Variants in LDLRAD3 observed in about 807,000 individuals in gnomAD.
The protein encoded by LDLRAD3 is low density lipoprotein receptor class A domain containing 3, also known as low-density lipoprotein receptor class A domain-containing protein 3.
A neutral mutation model predicts 29.4 loss-of-function variants in LDLRAD3; 20 were observed. The observed-to-expected ratio is 0.68, with a 90% CI of 0.48 to 0.99. The LOEUF (loss-of-function observed/expected upper bound fraction) is 0.99, where lower values mean the gene tolerates loss of function less well. Ranked by LOEUF, LDLRAD3 falls within the 50% of genes least tolerant of loss-of-function variation. The pLI, the probability that LDLRAD3 is intolerant of heterozygous loss-of-function variation, is 0.00. For missense variants in LDLRAD3, 420 were observed against 454.3 expected (o/e 0.92, Z 0.69); for synonymous variants, 157 against 192.7 (o/e 0.81, Z 1.53).
intron 1 of LDLRAD3, among the ~76,000 whole-genome samples, chr11:36,003,690 A>G (rs1851851861): frequency 6.6e-6 from 1 of 152,210 alleles, no homozygotes; most frequent in Non-Finnish European, 1.5e-5. Context: ...ATAAAGTAGA[A>G]GGAGAATGGA....
chr11:36,134,378 A>G (rs1425442620), intron 4 of LDLRAD3, among the ~76,000 whole-genome samples: 1 of 152,188 alleles, frequency 6.6e-6, no homozygotes, highest in Non-Finnish European at 1.5e-5. Context: ...TTCCTGTAAA[A>G]ATCGAGTTTT....
At chr11:36,105,847 T>C (rs572194835) in intron 4 of LDLRAD3, among the ~76,000 whole-genome samples, 5 of 152,126 alleles carry the variant, frequency 3.3e-5, no homozygotes, top group Admixed American at 2.6e-4. Flanking sequence ...TGTGGTACTT[T>C]GTTGCAGCAG....
intron 4 of LDLRAD3, among the ~76,000 whole-genome samples, chr11:36,203,868 A>G (rs2133376341): frequency 6.6e-6 from 1 of 152,214 alleles, no homozygotes; most frequent in East Asian, 1.9e-4. Context: ...TGGGAAGCAC[A>G]CTTTTTGAGG....
chr11:36,217,339 C>T (rs1855366887), intron 4 of LDLRAD3, among the ~76,000 whole-genome samples: 1 of 123,122 alleles, frequency 8.1e-6, no homozygotes, highest in South Asian at 2.7e-4. Context: ...AAGGAGCAAG[C>T]CTGGTCTTTG....
chr11:36,031,303 C>T (rs1349686342), intron 1 of LDLRAD3, among the ~76,000 whole-genome samples: 8 of 152,152 alleles, frequency 5.3e-5, no homozygotes, highest in Non-Finnish European at 1.0e-4. Flanking sequence ...ACTAGAAAGT[C>T]CTGCTGTCGG....
chr11:35,948,436 T>TTG (rs1200174817), intron 1 of LDLRAD3, among the ~76,000 whole-genome samples: 2 of 117,574 alleles, frequency 1.7e-5, no homozygotes, highest in African/African-American at 8.1e-5. Flanking sequence ...AGTTGGCTGA[T>TTG]CGTGTGTGTG....
At chr11:36,027,290 G>A (rs995328) in intron 1 of LDLRAD3, among the ~76,000 whole-genome samples, 12,623 of 152,170 alleles carry the variant, frequency 0.083, 582 homozygotes, top group South Asian at 0.14. Context: ...TTTCCTCATC[G>A]GTGAAAGTAC....
At chr11:36,184,177 C>G (rs1854811290) in intron 4 of LDLRAD3, 1 of 167,964 alleles carries the variant, frequency 6.0e-6, no homozygotes, top group South Asian at 1.2e-4. Flanking sequence ...GTTGGTCAGT[C>G]TGGTCTCAAA....
At chr11:35,965,720 A>G (rs778409343) in intron 1 of LDLRAD3, among the ~76,000 whole-genome samples, 3 of 152,172 alleles carry the variant, frequency 2.0e-5, no homozygotes, top group Non-Finnish European at 4.4e-5. Context: ...TGTCTCATTT[A>G]ATGCTCTTAA....
At chr11:36,038,763 G>C (rs964956157) in intron 2 of LDLRAD3, among the ~76,000 whole-genome samples, 10 of 152,098 alleles carry the variant, frequency 6.6e-5, no homozygotes, top group African/African-American at 2.4e-4. Flanking sequence ...CCCAAGTGTG[G>C]TGGAGGTTTG....
rs1360872049 is a variant in LDLRAD3 at position 36,229,598 on chromosome 11, T to C, written c.*201T>C. 3.7e-6 allele frequency: 2 copies of C among 541,054 alleles called. No individual in the cohort carries two copies. The highest frequency in any genetic ancestry group is 6.6e-6 in the Non-Finnish European group (2 of 304,358). 33.5% of individuals were successfully genotyped at this position (541,054 alleles called of 1,614,324 possible). On this transcript the variant is annotated 3_prime_UTR_variant, in exon 6 of 6. Transcript: ENST00000315571. ...GCGTCTCAGTTGACATGATCTGTTG[T>C]GCGTCTTTTCTGTCAGGTCACTCTT...
chr11:36,160,357 G>A (rs1854421262), intron 4 of LDLRAD3, among the ~76,000 whole-genome samples: 1 of 152,186 alleles, frequency 6.6e-6, no homozygotes, highest in Admixed American at 6.5e-5. Flanking sequence ...AGCCAGAGGA[G>A]ATAAGGCCCG....
intron 3 of LDLRAD3, among the ~76,000 whole-genome samples, chr11:36,083,912 T>G (rs750224568): frequency 1.3e-5 from 2 of 152,158 alleles, no homozygotes; most frequent in African/African-American, 2.4e-5. Flanking sequence ...TTTGGACATT[T>G]GTCTTTAATT....
chr11:36,204,617 A>G (rs568132723), intron 4 of LDLRAD3, among the ~76,000 whole-genome samples: 3 of 151,710 alleles, frequency 2.0e-5, no homozygotes, highest in Middle Eastern at 3.4e-3. Flanking sequence ...CCTCCTGAGT[A>G]GCTGAGATTA....
intron 4 of LDLRAD3, among the ~76,000 whole-genome samples, chr11:36,153,575 C>T (rs1565263441): frequency 6.6e-6 from 1 of 152,138 alleles, no homozygotes. Context: ...GTAAATTTGT[C>T]ATAAAGGTAG....
At chr11:36,025,549 C>T (rs532540515) in intron 1 of LDLRAD3, among the ~76,000 whole-genome samples, 3 of 152,008 alleles carry the variant, frequency 2.0e-5, no homozygotes, top group Non-Finnish European at 2.9e-5. Context: ...CCACCACTCC[C>T]GGCTAATTTT....
intron 4 of LDLRAD3, among the ~76,000 whole-genome samples, chr11:36,141,351 C>T (rs1197527604): frequency 6.6e-6 from 1 of 152,042 alleles, no homozygotes; most frequent in Admixed American, 6.6e-5. Flanking sequence ...TGTAAAAACT[C>T]CCCAGAGCAC....
chr11:36,119,883 G>A (rs1407816426), intron 4 of LDLRAD3, among the ~76,000 whole-genome samples: 1 of 152,094 alleles, frequency 6.6e-6, no homozygotes, highest in Non-Finnish European at 1.5e-5. Flanking sequence ...TGCCTTTAAT[G>A]TCATATCTAA....
At chr11:36,096,691 G>A (rs1853366668) in intron 3 of LDLRAD3, among the ~76,000 whole-genome samples, 2 of 152,268 alleles carry the variant, frequency 1.3e-5, no homozygotes, top group Admixed American at 1.3e-4. Context: ...GCCTGTGGCT[G>A]GCGTAGCCAT....
Sources: allele counts gnomAD v4.1 joint callset (sites outside exome capture counted in the v4.1 genomes callset), GRCh38; gene constraint gnomAD v4.1.1; transcripts MANE v1.5; gene names NCBI Gene and HGNC (gene_info 2026-07-23, HGNC 2026-07-21).